BMPR1B: variants seen among roughly 807,000 people sequenced by gnomAD.
The protein encoded by BMPR1B is bone morphogenetic protein receptor type-1B.
Under a neutral mutation model 59.1 loss-of-function variants are expected in BMPR1B, and 12 were observed. The observed-to-expected ratio is 0.20, with a 90% CI of 0.13 to 0.33. BMPR1B has a LOEUF of 0.33. Among genes scored for constraint, BMPR1B ranks in the 10% least tolerant of loss-of-function variants. BMPR1B has a pLI of 1.00. For missense variants in BMPR1B, 550 were observed against 610.9 expected, an observed-to-expected ratio of 0.90 and a Z score of 1.05; for synonymous variants, 237 against 207.3, an observed-to-expected ratio of 1.14 and a Z score of -1.23.
intron 2 of BMPR1B, among the ~76,000 whole-genome samples, chr4:94,908,798 A>T (rs1437937953): frequency 6.6e-6 from 1 of 152,048 alleles, no homozygotes; most frequent in Non-Finnish European, 1.5e-5. Flanking sequence ...AAAAACCCTT[A>T]TCTTTTGCTT....
intron 1 of BMPR1B, among the ~76,000 whole-genome samples, chr4:94,853,782 C>T (rs1374962026): frequency 6.6e-6 from 1 of 152,002 alleles, no homozygotes; most frequent in African/African-American, 2.4e-5. Flanking sequence ...AGCACTAAAC[C>T]TGAAGATTGA....
intron 12 of BMPR1B, among the ~76,000 whole-genome samples, chr4:95,153,530 T>C (rs1735205627): frequency 6.6e-6 from 1 of 152,114 alleles, no homozygotes; most frequent in African/African-American, 2.4e-5. Context: ...CAGAGCACTA[T>C]TTCTGAAGTG....
chr4:94,888,985 AG>A (rs1488093261), intron 2 of BMPR1B, among the ~76,000 whole-genome samples: 2 of 151,996 alleles, frequency 1.3e-5, no homozygotes, highest in Admixed American at 1.3e-4. Flanking sequence ...AAATTTCAAT[AG>A]TTTTTATAAA....
intron 1 of BMPR1B, among the ~76,000 whole-genome samples, chr4:94,865,040 C>T (rs963607394): frequency 1.1e-4 from 16 of 151,634 alleles, no homozygotes; most frequent in Non-Finnish European, 1.8e-4. Context: ...GATGGAGTCT[C>T]ACTCTGTCAC....
rs1315869397 is a variant in BMPR1B, at chr4:94,838,072, C to T, written c.-182-37759C>T. ...ATGCTGGATTACATGTATTGATTTG[C>T]GTATATTGAACCAGTCTTGCATCCC... On this transcript the variant is annotated intron_variant, in intron 1 of 12. Coordinates refer to ENST00000515059, the MANE Select transcript of BMPR1B (RefSeq NM_001203.3). Among the ~76,000 whole-genome samples the T allele has an allele frequency of 9.0e-5, 13 of 144,536 alleles. 1 individual carries two copies. The highest frequency in any genetic ancestry group is 1.3e-4 in the African/African-American group (5 of 38,568). 94.8% of individuals were successfully genotyped at this position (144,536 alleles called of 152,430 possible). A position where few individuals can be genotyped will look rare whatever the true frequency, so the allele number is the denominator to read the frequency against.
chr4:94,796,021 A>G (rs367798265), intron 1 of BMPR1B, among the ~76,000 whole-genome samples: 2 of 151,434 alleles, frequency 1.3e-5, no homozygotes, highest in Non-Finnish European at 2.9e-5. Flanking sequence ...CTGGAGTGCA[A>G]TGATGCAATC....
chr4:95,086,303 G>C (rs909267935), intron 3 of BMPR1B, among the ~76,000 whole-genome samples: 1 of 152,128 alleles, frequency 6.6e-6, no homozygotes, highest in African/African-American at 2.4e-5. Context: ...TTTTTAGCTT[G>C]AACACTGGTA....
intron 1 of BMPR1B, among the ~76,000 whole-genome samples, chr4:94,855,281 G>T (rs1174900911): frequency 6.6e-6 from 1 of 152,110 alleles, no homozygotes; most frequent in Non-Finnish European, 1.5e-5. Flanking sequence ...ATCTGATGAA[G>T]CAAGCATTAT....
At chr4:94,917,627 G>T (rs1045872726) in intron 2 of BMPR1B, among the ~76,000 whole-genome samples, 2 of 152,198 alleles carry the variant, frequency 1.3e-5, no homozygotes, top group African/African-American at 2.4e-5. Context: ...TATCTTGGAA[G>T]TAAATAACTT....
At chr4:94,967,109 T>C (rs1730583435) in intron 2 of BMPR1B, among the ~76,000 whole-genome samples, 1 of 152,144 alleles carries the variant, frequency 6.6e-6, no homozygotes, top group Non-Finnish European at 1.5e-5. Context: ...CCAAAGTTGT[T>C]GTATATTCAA....
chr4:94,882,978 A>G (rs61625538), intron 2 of BMPR1B, among the ~76,000 whole-genome samples: 8,346 of 144,514 alleles, frequency 0.058, 251 homozygotes, highest in African/African-American at 0.081. Context: ...GTGTGTGTGT[A>G]TGTGTGTGTG....
At chr4:94,785,954 A>G (rs1014674427) in intron 1 of BMPR1B, among the ~76,000 whole-genome samples, 2 of 152,116 alleles carry the variant, frequency 1.3e-5, no homozygotes, top group East Asian at 1.9e-4. Flanking sequence ...AGTTAGTTCT[A>G]TGTATGATTA....
intron 2 of BMPR1B, among the ~76,000 whole-genome samples, chr4:94,962,819 T>C (rs1343463520): frequency 1.3e-5 from 2 of 152,190 alleles, no homozygotes; most frequent in Non-Finnish European, 2.9e-5. Context: ...TAATTTCTTT[T>C]ATTTTGGATA....
chr4:94,770,360 T>C (rs1722140907), intron 1 of BMPR1B, among the ~76,000 whole-genome samples: 1 of 151,894 alleles, frequency 6.6e-6, no homozygotes, highest in African/African-American at 2.4e-5. Flanking sequence ...TCTGTGTCAT[T>C]GTTAGCTTTT....
At chr4:94,841,995 G>T (rs1725105647) in intron 1 of BMPR1B, among the ~76,000 whole-genome samples, 1 of 152,160 alleles carries the variant, frequency 6.6e-6, no homozygotes, top group Admixed American at 6.5e-5. Flanking sequence ...GTGGAAACCA[G>T]GGCTGGTTAG....
At chr4:94,825,009 A>G (rs928821166) in intron 1 of BMPR1B, among the ~76,000 whole-genome samples, 2 of 152,220 alleles carry the variant, frequency 1.3e-5, no homozygotes, top group African/African-American at 4.8e-5. Context: ...CTTGAAAAAG[A>G]AGGACGTTTA....
intron 2 of BMPR1B, among the ~76,000 whole-genome samples, chr4:94,892,937 C>T (rs191720855): frequency 3.3e-5 from 5 of 152,050 alleles, no homozygotes; most frequent in Non-Finnish European, 7.4e-5. Flanking sequence ...ATATTCTGAG[C>T]TTCAGTTTGT....
intron 2 of BMPR1B, among the ~76,000 whole-genome samples, chr4:94,911,022 A>G: frequency 6.6e-6 from 1 of 152,198 alleles, no homozygotes; most frequent in East Asian, 1.9e-4. Flanking sequence ...ATACTGTACT[A>G]TGCTTTCACT....
At chr4:95,148,681 A>G (rs1304905577) in intron 10 of BMPR1B, 67 bp from the exon 11 acceptor site, 3 of 1,511,690 alleles carry the variant, frequency 2.0e-6, no homozygotes, top group Non-Finnish European at 1.8e-6. Context: ...ATTGTTTCAG[A>G]ATCACCTTGA....
Sources: allele counts gnomAD v4.1 joint callset (sites outside exome capture counted in the v4.1 genomes callset), GRCh38; gene constraint gnomAD v4.1.1; transcripts MANE v1.5; gene names NCBI Gene and HGNC (gene_info 2026-07-23, HGNC 2026-07-21).